Variants in PSPC1 observed in about 807,000 individuals in gnomAD.
PSPC1 encodes paraspeckle protein 1.
Under a neutral mutation model 51.6 loss-of-function variants are expected in PSPC1, and 14 were observed. The ratio of observed to expected loss-of-function variants is 0.27; its 90% CI spans 0.18 to 0.42. The LOEUF (loss-of-function observed/expected upper bound fraction) is 0.42, where lower values mean the gene tolerates loss of function less well. Among genes scored for constraint, PSPC1 ranks in the 10% least tolerant of loss-of-function variants. PSPC1 has a pLI of 1.00. For missense variants in PSPC1, 406 were observed against 701.1 expected, an observed-to-expected ratio of 0.58 and a Z score of 4.75; for synonymous variants, 193 against 231.9, an observed-to-expected ratio of 0.83 and a Z score of 1.53.
chr13:19,781,516 T>C (rs1889967700), intron 1 of PSPC1, among the ~76,000 whole-genome samples: 1 of 152,170 alleles, frequency 6.6e-6, no homozygotes, highest in African/African-American at 2.4e-5. Flanking sequence ...GTGTATCAAC[T>C]ATTCTCCCCC....
chr13:19,706,202 T>G (rs953718508), intron 7 of PSPC1, among the ~76,000 whole-genome samples: 4 of 152,200 alleles, frequency 2.6e-5, no homozygotes, highest in Non-Finnish European at 4.4e-5. Flanking sequence ...GGATTAGCAC[T>G]TACAAAACCA....
At chr13:19,685,722 T>C (rs766402180) in intron 6 of PSPC1, among the ~76,000 whole-genome samples, 2 of 152,186 alleles carry the variant, frequency 1.3e-5, no homozygotes, top group South Asian at 2.1e-4. Context: ...GAAATAAATA[T>C]GGAATTTTGA....
intron 5 of PSPC1, among the ~76,000 whole-genome samples, chr13:19,731,461 T>A (rs936541501): frequency 1.3e-5 from 2 of 152,198 alleles, no homozygotes; most frequent in African/African-American, 4.8e-5. Flanking sequence ...TCACCCATGC[T>A]GGAGTGTCCC....
intron 6 of PSPC1, among the ~76,000 whole-genome samples, chr13:19,719,123 C>CA (rs1345362660): frequency 2.2e-4 from 33 of 149,480 alleles, no homozygotes; most frequent in African/African-American, 8.1e-4. Context: ...GGTTGATAAG[C>CA]ACGTGTCAAT....
chr13:19,780,182 AG>A (rs1475186601), intron 1 of PSPC1, among the ~76,000 whole-genome samples: 1 of 86,888 alleles, frequency 1.2e-5, no homozygotes, highest in Non-Finnish European at 2.4e-5. Flanking sequence ...TCCGGGAGGG[AG>A]GTGGGGGGGG....
chr13:19,763,009 G>A (rs779979776), intron 2 of PSPC1, among the ~76,000 whole-genome samples: 2 of 151,928 alleles, frequency 1.3e-5, no homozygotes, highest in African/African-American at 2.4e-5. Context: ...GGAGGCTGAG[G>A]CAGGATAATC....
intron 6 of PSPC1, 92 bp downstream of exon 6, chr13:19,730,147 A>AC (rs1196424183): frequency 3.2e-6 from 3 of 945,918 alleles, no homozygotes; most frequent in Non-Finnish European, 1.6e-6. Flanking sequence ...ATTAGAAAAG[A>AC]CTACTGTATA....
At chr13:19,708,493 T>C (rs1266508016) in intron 7 of PSPC1, among the ~76,000 whole-genome samples, 1 of 152,174 alleles carries the variant, frequency 6.6e-6, no homozygotes, top group Non-Finnish European at 1.5e-5. Flanking sequence ...ATTTCAAATT[T>C]AGTAAGGCCT....
At chr13:19,696,588 T>C (rs1490393977) in intron 6 of PSPC1, among the ~76,000 whole-genome samples, 4 of 151,858 alleles carry the variant, frequency 2.6e-5, no homozygotes, top group Non-Finnish European at 5.9e-5. Context: ...TCTTGGGAAA[T>C]ACACTTATCA....
intron 5 of PSPC1, among the ~76,000 whole-genome samples, chr13:19,739,913 A>G (rs1885260157): frequency 6.6e-6 from 1 of 151,842 alleles, no homozygotes; most frequent in South Asian, 2.1e-4. Flanking sequence ...ATCTATCTGA[A>G]TGCTGGAGGA....
chr13:19,750,384 A>T (rs1886411570), intron 4 of PSPC1, among the ~76,000 whole-genome samples: 1 of 151,906 alleles, frequency 6.6e-6, no homozygotes, highest in South Asian at 2.1e-4. Flanking sequence ...GGGAGACAAT[A>T]TGGCGCCACT....
chr13:19,742,285 T>TA (rs1885517734), intron 4 of PSPC1, among the ~76,000 whole-genome samples: 1 of 117,656 alleles, frequency 8.5e-6, no homozygotes, highest in African/African-American at 3.0e-5. Context: ...AACAAACAAA[T>TA]AAATAAATAA....
At chr13:19,735,231 G>C (rs1302938539) in intron 5 of PSPC1, among the ~76,000 whole-genome samples, 1 of 152,012 alleles carries the variant, frequency 6.6e-6, no homozygotes, top group Non-Finnish European at 1.5e-5. Flanking sequence ...AGAATCACTT[G>C]AACCGAAGAG....
chr13:19,716,892 T>C (rs547355948), intron 6 of PSPC1, among the ~76,000 whole-genome samples: 5 of 152,140 alleles, frequency 3.3e-5, no homozygotes, highest in African/African-American at 1.2e-4. Flanking sequence ...ATGAGAAAGA[T>C]TAAATAAGAA....
At chr13:19,710,583 T>G (rs1325304174) in intron 6 of PSPC1, among the ~76,000 whole-genome samples, 2 of 152,176 alleles carry the variant, frequency 1.3e-5, no homozygotes, top group African/African-American at 4.8e-5. Context: ...TTCCATTTTA[T>G]AATACGAAAG....
intron 1 of PSPC1, among the ~76,000 whole-genome samples, chr13:19,777,939 C>T (rs1030095999): frequency 3.3e-5 from 5 of 151,096 alleles, no homozygotes; most frequent in African/African-American, 1.2e-4. Flanking sequence ...GAGTGAGACT[C>T]CCTCTCAAAA....
At chr13:19,688,452 C>T (rs913280537) in intron 6 of PSPC1, among the ~76,000 whole-genome samples, 8 of 152,154 alleles carry the variant, frequency 5.3e-5, no homozygotes, top group Non-Finnish European at 8.8e-5. Context: ...CCTCTCAATT[C>T]ATGCATATGT....
intron 6 of PSPC1, among the ~76,000 whole-genome samples, chr13:19,711,621 AAG>A (rs1881434414): frequency 6.7e-6 from 1 of 148,822 alleles, no homozygotes; most frequent in African/African-American, 2.5e-5. Context: ...CTGGGCAACA[AAG>A]AGAGACTCCG....
rs1555236510 is a variant in PSPC1, at chr13:19,730,969, A to AAAC, written c.1053-626_1053-625insGTT. Among the ~76,000 whole-genome samples the AAAC allele has an allele frequency of 2.0e-3, 296 of 146,694 alleles. 4 individuals carry two copies. The highest frequency in any genetic ancestry group is 3.4e-3 in the South Asian group (16 of 4,708). On this transcript the variant is annotated intron_variant, in intron 5 of 8. Coordinates refer to ENST00000338910, the MANE Select transcript of PSPC1 (RefSeq NM_001354909.2). The stretch of plus-strand genomic sequence containing the variant: ...CAGAAAAAAAAAACAAAAAAACAAA[A>AAAC]AAAAAAAAAACAGAAAAAGTCTGAG...
Sources: allele counts gnomAD v4.1 joint callset (sites outside exome capture counted in the v4.1 genomes callset), GRCh38; gene constraint gnomAD v4.1.1; transcripts MANE v1.5; gene names NCBI Gene and HGNC (gene_info 2026-07-23, HGNC 2026-07-21).